CYP4F3: variants seen among roughly 807,000 people sequenced by gnomAD.
CYP4F3 encodes cytochrome P450 4F3.
A neutral mutation model predicts 54.8 loss-of-function variants in CYP4F3; 50 were observed. The ratio of observed to expected loss-of-function variants is 0.91; its 90% CI spans 0.73 to 1.16. The LOEUF (loss-of-function observed/expected upper bound fraction) is 1.16. Ranked by LOEUF, CYP4F3 falls within the 50% of genes most tolerant of loss-of-function variation. CYP4F3 has a pLI of 0.00. For synonymous variants in CYP4F3, 244 were observed against 262.6 expected (o/e 0.93, Z 0.69); for missense variants, 715 against 676.2 (o/e 1.06, Z -0.64).
At chr19:15,653,316 C>T (rs1430858337) in intron 9 of CYP4F3, among the ~76,000 whole-genome samples, 1 of 152,176 alleles carries the variant, frequency 6.6e-6, no homozygotes. Context: ...AATTCCTACC[C>T]TTCCATCCAG....
At chr19:15,649,028 G>A (rs1256546732) in intron 5 of CYP4F3, 132 bp from the exon 6 acceptor site, 26 of 1,402,390 alleles carry the variant, frequency 1.9e-5, no homozygotes, top group Non-Finnish European at 2.5e-5. Context: ...ATAACCTGGT[G>A]CTCCCGGGTA....
At chr19:15,642,966 G>A (rs1972509480) in intron 2 of CYP4F3, among the ~76,000 whole-genome samples, 1 of 151,806 alleles carries the variant, frequency 6.6e-6, no homozygotes, top group East Asian at 1.9e-4. Flanking sequence ...ACATTAGGTG[G>A]ATAGATAGGT....
rs1973099257 is a variant in CYP4F3, at chr19:15,658,629, A to C, written c.1314+74A>C. The stretch of plus-strand genomic sequence containing the variant: ...AGGGGGCAGGGTTTTGATCAGGAGA[A>C]TCCAACATCACCTCCCTCCAAGACA... On this transcript the variant is annotated intron_variant, in intron 11 of 12. Coordinates refer to ENST00000221307, the MANE Select transcript of CYP4F3 (RefSeq NM_000896.3). 12 of 1,609,116 alleles carry C rather than the reference A, an allele frequency of 7.5e-6. No homozygotes were observed. The South Asian group carries it at 1.1e-4, about 15-fold the overall frequency.
intron 9 of CYP4F3, among the ~76,000 whole-genome samples, chr19:15,656,767 T>TCTATCTAC (rs780753650): frequency 1.6e-5 from 1 of 62,336 alleles, no homozygotes; most frequent in Non-Finnish European, 3.2e-5. Flanking sequence ...TATCTATCTA[T>TCTATCTAC]CATCCATCCA....
At chr19:15,645,363 T>C (rs1237204487) in intron 2 of CYP4F3, among the ~76,000 whole-genome samples, 3 of 152,210 alleles carry the variant, frequency 2.0e-5, no homozygotes, top group Non-Finnish European at 4.4e-5. Flanking sequence ...AATCAGGCCA[T>C]GGGTGCAGAT....
At chr19:15,650,870 T>TCTCTCTCTCTCTCTCTCTC (rs1445217141) in intron 7 of CYP4F3, among the ~76,000 whole-genome samples, 1 of 39,478 alleles carries the variant, frequency 2.5e-5, no homozygotes, top group East Asian at 1.7e-3. Context: ...TTCTTTCTTT[T>TCTCTCTCTCTCTCTCTCTC]TCTCTCTCTC....
At position 15,650,149 on chromosome 19, in the gene CYP4F3, C is replaced by T. The variant is rs199511937; in HGVS notation, c.884C>T (p.Thr295Ile). The T allele has an allele frequency of 5.6e-6, 9 of 1,614,058 alleles. No individual in the cohort carries two copies. The South Asian group carries it at 9.9e-5, about 18-fold the overall frequency. The change falls in exon 7 of 13, where the codon ACT becomes ATT. Residue 295 changes from threonine (T) to isoleucine (I), a missense_variant. Transcript: ENST00000221307. ...DFLQAKAKSK[T>I]LDFIDVLLLS... The stretch of plus-strand genomic sequence containing the variant: ...CTCCAAGCCAAGGCCAAATCCAAGA[C>T]TTTGGACTTCATTGATGTACTCCTG...
intron 2 of CYP4F3, among the ~76,000 whole-genome samples, chr19:15,645,142 C>T (rs756609973): frequency 3.9e-5 from 6 of 152,166 alleles, no homozygotes; most frequent in Admixed American, 6.5e-5. Flanking sequence ...TCCCTCATGA[C>T]GTCAACAATG....
intron 5 of CYP4F3, among the ~76,000 whole-genome samples, chr19:15,648,663 C>T (rs538287174): frequency 6.6e-5 from 10 of 152,196 alleles, no homozygotes; most frequent in Non-Finnish European, 7.4e-5. Flanking sequence ...TTCCATGATA[C>T]GAGTATATAT....
chr19:15,644,063 A>C (rs772487222), intron 2 of CYP4F3: 39 of 1,567,872 alleles, frequency 2.5e-5, no homozygotes, highest in Non-Finnish European at 3.3e-5. Flanking sequence ...TACCACCTGG[A>C]ATACTTGGTG....
At chr19:15,647,372 G>A (rs763564860) in intron 5 of CYP4F3, 48 bp downstream of exon 5, 2 of 1,611,678 alleles carry the variant, frequency 1.2e-6, no homozygotes, top group Non-Finnish European at 1.7e-6. Context: ...TGGTTGGGGG[G>A]AACCACAGAC....
chr19:15,653,320 C>T (rs2683044), intron 9 of CYP4F3, among the ~76,000 whole-genome samples: 100,270 of 151,596 alleles, frequency 0.66, 33,673 homozygotes, highest in East Asian at 0.81. Context: ...CCTACCCTTC[C>T]ATCCAGTCCA....
rs573091806 is a variant in CYP4F3 at position 15,647,633 on chromosome 19, A to C, written c.525+309A>C. Among the ~76,000 whole-genome samples the C allele has an allele frequency of 1.6e-4, 24 of 152,346 alleles. No individual in the cohort carries two copies. The South Asian group carries it at 3.3e-3, about 21-fold the overall frequency. ...GCTGTTGCTGATAAGAAACAACCTG[A>C]AAACTCATTGGTTTAAACCAATAAA... On this transcript the variant is annotated intron_variant, in intron 5 of 12. Transcript: ENST00000221307.
In CYP4F3 at chr19:15,649,178, G is replaced by A. The variant is rs1265046151; in HGVS notation, c.544G>A (p.Ala182Thr). 3.1e-6 allele frequency: 5 copies of A among 1,613,256 alleles called. No individual in the cohort carries two copies. The highest frequency in any genetic ancestry group is 1.3e-5 in the African/African-American group (1 of 74,900). Residue 182 changes from alanine to threonine, a missense_variant, in exon 6 of 13, where the codon GCC becomes ACC. Coordinates refer to ENST00000221307, the MANE Select transcript of CYP4F3 (RefSeq NM_000896.3). ...NIMHAKWQLL[A>T]SEGSARLDMF... The stretch of plus-strand genomic sequence containing the variant: ...TGGCTAGGCCAAGTGGCAGCTCCTG[G>A]CCTCAGAGGGTAGTGCCCGTCTGGA...
In CYP4F3 at chr19:15,641,613, G is replaced by T. The variant is rs757800087; in HGVS notation, c.198G>T (p.Leu66=). 6.2e-7 allele frequency: 1 copy of T among 1,614,080 alleles called. No individual in the cohort carries two copies. ...KRNWFLGHLG[L]IHSSEEGLLY... ...ATTGGTTCTTGGGTCACCTGGGCCT[G>T]GTGAGTGTGGCAGCAGGACGGGTCT... Residue 66 remains leucine (L), a splice_region_variant and synonymous_variant, in exon 2 of 13, where the codon CTG becomes CTT. Coordinates refer to ENST00000221307, the MANE Select transcript of CYP4F3 (RefSeq NM_000896.3).
chr19:15,650,703 TC>T (rs1292436829), intron 7 of CYP4F3, among the ~76,000 whole-genome samples: 27 of 87,088 alleles, frequency 3.1e-4, no homozygotes, highest in East Asian at 2.1e-3. Flanking sequence ...TTTCTTTCTT[TC>T]TTTCTTTCTT....
In CYP4F3 at chr19:15,659,279, T is replaced by G; in HGVS notation, c.1457T>G (p.Leu486Arg). Residue 486 changes from leucine to arginine, a missense_variant, in exon 13 of 13, where the codon CTG becomes CGG. Leu to Arg is a moderately radical substitution (Grantham distance 102). Transcript: ENST00000221307. ...AEMKVVLGLT[L>R]LRFRVLPDHT... ...ATGAAGGTGGTCCTGGGGCTCACGC[T>G]GCTGCGCTTCCGCGTCCTGCCTGAC... 1 of 1,613,468 alleles carries G rather than the reference T, an allele frequency of 6.2e-7. No homozygotes were observed. Among genetic ancestry groups the G allele is most frequent in the Non-Finnish European group, 8.5e-7 (1 of 1,179,908 alleles).
At chr19:15,650,284 A>G in intron 7 of CYP4F3, 101 bp downstream of exon 7, 1 of 1,606,508 alleles carries the variant, frequency 6.2e-7, no homozygotes, top group Non-Finnish European at 8.5e-7. Context: ...CTGGGGAGCC[A>G]TGGAAGGTGA....
In CYP4F3 at chr19:15,649,236, A is replaced by G. The variant is rs139007171; in HGVS notation, c.602A>G (p.Asp201Gly). 404 of 1,613,322 alleles carry G rather than the reference A, an allele frequency of 2.5e-4. 4 individuals carry two copies. The East Asian group carries it at 7.5e-3, about 30-fold the overall frequency. ...MFEHISLMTLDSLQKCVFSFD... is the reference protein window; with the variant it reads ...MFEHISLMTLGSLQKCVFSFD... ...GAGCACATCAGCCTCATGACCTTGGACAGTCTGCAGAAATGTGTCTTCAGC... is the reference window on the plus strand; with the variant it reads ...GAGCACATCAGCCTCATGACCTTGGGCAGTCTGCAGAAATGTGTCTTCAGC... Residue 201 changes from aspartate to glycine, a missense_variant, in exon 6 of 13, where the codon GAC becomes GGC. Asp to Gly is a moderately conservative substitution (Grantham distance 94, BLOSUM62 -1). Coordinates refer to ENST00000221307, the MANE Select transcript of CYP4F3 (RefSeq NM_000896.3).
Sources: allele counts gnomAD v4.1 joint callset (sites outside exome capture counted in the v4.1 genomes callset), GRCh38; gene constraint gnomAD v4.1.1; transcripts MANE v1.5; gene names NCBI Gene and HGNC (gene_info 2026-07-23, HGNC 2026-07-21).